The following DMD variants were observed in gnomAD, a reference collection of about 807,000 sequenced individuals.
DMD encodes the protein mutant dystrophin.
A neutral mutation model predicts 330.1 loss-of-function variants in DMD; 63 were observed. That is an observed-to-expected ratio of 0.19 (90% CI 0.16 to 0.24). The LOEUF is 0.24. Ranked by LOEUF, DMD falls within the 10% of genes least tolerant of loss-of-function variation. DMD has a pLI of 1.00. For synonymous variants in DMD, 1,223 were observed against 959.8 expected, an observed-to-expected ratio of 1.27 and a Z score of -5.07; for missense variants, 3,344 against 2,684.1, an observed-to-expected ratio of 1.25 and a Z score of -5.43.
At position 31,898,346 on chromosome X, in the gene DMD, T is replaced by A. The variant is rs374992557; in HGVS notation, c.6913-22973A>T. Reference sequence around the variant, plus strand: ...AGCCAAAAGAACAAAGCTGGAGGCATCACACTACCTGACTTCAAACTATAC... The same window carrying A: ...AGCCAAAAGAACAAAGCTGGAGGCAACACACTACCTGACTTCAAACTATAC... On this transcript the variant is annotated intron_variant, in intron 47 of 78. Transcript: ENST00000357033. Among the ~76,000 whole-genome samples the A allele has an allele frequency of 7.5e-3, 827 of 109,854 alleles. 9 individuals are homozygous for A. The highest frequency in any genetic ancestry group is 0.025 in the African/African-American group (763 of 30,216).
intron 44 of DMD, among the ~76,000 whole-genome samples, chrX:32,133,043 A>T: frequency 1.2e-5 from 1 of 84,584 alleles, no homozygotes; most frequent in East Asian, 3.7e-4. Context: ...GTCTCGCTCC[A>T]TCGCCCAGGT....
chrX:32,274,572 G>A (rs17309289), intron 43 of DMD, among the ~76,000 whole-genome samples: 12,977 of 111,741 alleles, frequency 0.12, 761 homozygotes, highest in Non-Finnish European at 0.16. Context: ...CTGATGGGCA[G>A]AAACAAACTT....
At chrX:32,208,873 G>A (rs1215790189) in intron 44 of DMD, among the ~76,000 whole-genome samples, 1 of 111,415 alleles carries the variant, frequency 9.0e-6, no homozygotes, top group Non-Finnish European at 1.9e-5. Context: ...CAGGCAATGT[G>A]AAAATTTTAA....
chrX:32,725,114 G>C (rs1435512788), intron 7 of DMD, among the ~76,000 whole-genome samples: 1 of 111,171 alleles, frequency 9.0e-6, no homozygotes, highest in Admixed American at 9.6e-5. Context: ...TTAGAATCTA[G>C]ACATTGTTTT....
At chrX:32,588,993 T>A (rs993095406) in intron 13 of DMD, among the ~76,000 whole-genome samples, 2 of 111,641 alleles carry the variant, frequency 1.8e-5, no homozygotes, top group Admixed American at 1.9e-4. Flanking sequence ...TTCAAGGATG[T>A]GTTCAGAAGA....
In DMD at chrX:31,880,625, T is replaced by C. The variant is rs145747918; in HGVS notation, c.6913-5252A>G. Among the ~76,000 whole-genome samples the C allele has an allele frequency of 8.9e-5, 10 of 112,290 alleles. No individual in the cohort carries two copies. The East Asian group carries it at 1.7e-3, about 19-fold the overall frequency. ...TTCTGGAAAACAAGCAATTTTATGA[T>C]CTTCCTTGGAGCCCTATTATACAGT... On this transcript the variant is annotated intron_variant, in intron 47 of 78. Transcript: ENST00000357033.
intron 7 of DMD, among the ~76,000 whole-genome samples, chrX:32,702,076 T>C (rs907819259): frequency 2.7e-5 from 3 of 112,101 alleles, no homozygotes; most frequent in African/African-American, 9.7e-5. Context: ...AACATACATT[T>C]TCAAGAAATC....
At chrX:32,821,459 G>A (rs1244731627) in intron 5 of DMD, among the ~76,000 whole-genome samples, 3 of 105,048 alleles carry the variant, frequency 2.9e-5, no homozygotes, top group Non-Finnish European at 3.9e-5. Context: ...TGGTGGGGGG[G>A]CGCCTGTAGT....
intron 1 of DMD, among the ~76,000 whole-genome samples, chrX:33,299,365 T>C (rs953179673): frequency 5.4e-5 from 6 of 111,658 alleles, no homozygotes; most frequent in African/African-American, 2.0e-4. Flanking sequence ...TCATCTACCT[T>C]AAATAGGTGG....
At chrX:31,394,967 G>A (rs1324883998) in intron 60 of DMD, among the ~76,000 whole-genome samples, 2 of 110,289 alleles carry the variant, frequency 1.8e-5, no homozygotes, top group Non-Finnish European at 3.8e-5. Flanking sequence ...GAGAGACCAA[G>A]TGTGGTGAGA....
intron 17 of DMD, among the ~76,000 whole-genome samples, chrX:32,543,764 T>C (rs991318521): frequency 1.8e-5 from 2 of 111,756 alleles, no homozygotes; most frequent in South Asian, 3.7e-4. Context: ...AATGCTAATA[T>C]TCATAGAGTT....
chrX:32,780,454 T>C (rs1327607491), intron 7 of DMD, among the ~76,000 whole-genome samples: 2 of 112,365 alleles, frequency 1.8e-5, no homozygotes, highest in Non-Finnish European at 3.7e-5. Flanking sequence ...CTGCAGCTTC[T>C]TGTATATCAA....
At chrX:32,830,675 C>T (rs1459121557) in intron 4 of DMD, among the ~76,000 whole-genome samples, 1 of 111,892 alleles carries the variant, frequency 8.9e-6, no homozygotes, top group Non-Finnish European at 1.9e-5. Flanking sequence ...AACTACGCAG[C>T]ACAATTGGCT....
chrX:33,053,830 G>A (rs1014405209), intron 1 of DMD, among the ~76,000 whole-genome samples: 1 of 109,097 alleles, frequency 9.2e-6, no homozygotes, highest in East Asian at 3.0e-4. Context: ...TGATTAGTAC[G>A]TACAATGTCG....
chrX:32,478,666 T>A (rs913192377), intron 21 of DMD, among the ~76,000 whole-genome samples: 1 of 111,804 alleles, frequency 8.9e-6, no homozygotes, highest in Admixed American at 9.6e-5. Flanking sequence ...GGGAATTCAA[T>A]CAACATTTTA....
chrX:31,129,798 A>G (rs908861545), intron 77 of DMD, among the ~76,000 whole-genome samples: 6 of 112,446 alleles, frequency 5.3e-5, no homozygotes, highest in Non-Finnish European at 1.1e-4. Flanking sequence ...AGGGCACACC[A>G]TATTTCTATC....
intron 26 of DMD, among the ~76,000 whole-genome samples, chrX:32,450,563 G>A (rs1441540831): frequency 9.1e-6 from 1 of 110,247 alleles, no homozygotes; most frequent in African/African-American, 3.3e-5. Context: ...TGTCATAAGT[G>A]CTACCTCATT....
rs777165271 is a variant in DMD, at chrX:32,573,526, A to G, written c.1812+4T>C. The G allele has an allele frequency of 1.3e-5, 16 of 1,203,012 alleles. No individual in the cohort carries two copies. In the East Asian group the frequency reaches 3.0e-4, roughly 22 times the overall value. On this transcript the variant is annotated splice_donor_region_variant and intron_variant, in intron 15 of 78. Coordinates refer to ENST00000357033, the MANE Select transcript of DMD (RefSeq NM_004006.3). ...AAGACCATTGAAAGCTAGAAAGTAC[A>G]TACGGCCAGTTTTTGAAGACTTGAT...
intron 2 of DMD, among the ~76,000 whole-genome samples, chrX:32,953,221 G>T (rs2091366058): frequency 9.2e-6 from 1 of 109,132 alleles, no homozygotes; most frequent in Non-Finnish European, 1.9e-5. Flanking sequence ...ATATGTAAAA[G>T]ATGAAATGGC....
Sources: allele counts gnomAD v4.1 joint callset (sites outside exome capture counted in the v4.1 genomes callset), GRCh38; gene constraint gnomAD v4.1.1; transcripts MANE v1.5; gene names NCBI Gene and HGNC (gene_info 2026-07-23, HGNC 2026-07-21).